Variants in KCNQ3 observed in about 807,000 individuals in gnomAD.
KCNQ3 encodes potassium voltage-gated channel subfamily KQT member 3.
Under a neutral mutation model 92.5 loss-of-function variants are expected in KCNQ3, and 30 were observed. The observed-to-expected ratio is 0.32, with a 90% CI of 0.24 to 0.44. The LOEUF (loss-of-function observed/expected upper bound fraction) is 0.44, where lower values mean the gene tolerates loss of function less well. KCNQ3 is among the 20% of genes least tolerant of loss of function. The pLI is 1.00. For synonymous variants in KCNQ3, 450 were observed against 468.8 expected (o/e 0.96, Z 0.52); for missense variants, 913 against 1,140.3 (o/e 0.80, Z 2.87).
intron 9 of KCNQ3, among the ~76,000 whole-genome samples, chr8:132,161,008 T>C (rs1379984078): frequency 1.3e-5 from 2 of 152,006 alleles, no homozygotes; most frequent in South Asian, 2.1e-4. Flanking sequence ...AGATGACATA[T>C]GTAAAATGCT....
intron 1 of KCNQ3, among the ~76,000 whole-genome samples, chr8:132,219,462 C>T (rs1398992257): frequency 6.6e-6 from 1 of 152,164 alleles, no homozygotes; most frequent in Non-Finnish European, 1.5e-5. Context: ...CCCTCACTAT[C>T]CCCACTGGAC....
intron 1 of KCNQ3, among the ~76,000 whole-genome samples, chr8:132,308,672 T>C (rs1053983630): frequency 2.6e-5 from 4 of 152,206 alleles, no homozygotes; most frequent in African/African-American, 9.6e-5. Context: ...AGGGTAAGAC[T>C]TGTCAAGCGC....
Position 132,240,057 on chromosome 8 carries a change from T to C in KCNQ3, c.387-53876A>G, listed in dbSNP as rs575535557. ...AGGAAACTTTGCAGCTTGCGTCTAA[T>C]GCATCATTTCCAGATGGGTTGGGAA... On this transcript the variant is annotated intron_variant, in intron 1 of 14. Transcript: ENST00000388996. Among the ~76,000 whole-genome samples the C allele has an allele frequency of 4.6e-5, 7 of 152,324 alleles. No homozygotes were observed. In the East Asian group the frequency reaches 1.4e-3, roughly 29 times the overall value.
At chr8:132,258,129 A>G (rs1289012389) in intron 1 of KCNQ3, among the ~76,000 whole-genome samples, 2 of 152,190 alleles carry the variant, frequency 1.3e-5, no homozygotes, top group East Asian at 3.9e-4. Flanking sequence ...ATAATGAAAC[A>G]AAAGACTTAT....
intron 1 of KCNQ3, among the ~76,000 whole-genome samples, chr8:132,356,508 C>T (rs1819021554): frequency 6.6e-6 from 1 of 152,138 alleles, no homozygotes; most frequent in Non-Finnish European, 1.5e-5. Flanking sequence ...GATGTGTGTC[C>T]ACTCTGCAGA....
At chr8:132,451,905 G>C (rs1017449159) in intron 1 of KCNQ3, among the ~76,000 whole-genome samples, 1 of 152,126 alleles carries the variant, frequency 6.6e-6, no homozygotes, top group Admixed American at 6.6e-5. Context: ...GGCCTCAACT[G>C]GGACAGGTCA....
chr8:132,286,142 A>G (rs1014154232), intron 1 of KCNQ3, among the ~76,000 whole-genome samples: 8 of 152,178 alleles, frequency 5.3e-5, no homozygotes, highest in Admixed American at 2.0e-4. Flanking sequence ...GTTATACCCA[A>G]TGGAAATGTA....
chr8:132,290,973 C>T (rs1488676019), intron 1 of KCNQ3, among the ~76,000 whole-genome samples: 2 of 152,074 alleles, frequency 1.3e-5, no homozygotes, highest in Non-Finnish European at 2.9e-5. Context: ...GATACAGTGC[C>T]ATGGAAGCTA....
rs191333927 is a variant in KCNQ3, at chr8:132,253,351, G to T, written c.387-67170C>A. Among the ~76,000 whole-genome samples the T allele has an allele frequency of 2.8e-3, 422 of 152,282 alleles. 2 individuals carry two copies. The highest frequency in any genetic ancestry group is 9.8e-3 in the African/African-American group (406 of 41,552). On this transcript the variant is annotated intron_variant, in intron 1 of 14. Coordinates refer to ENST00000388996, the MANE Select transcript of KCNQ3 (RefSeq NM_004519.4). ...CAGTGACTGAGTCTATAAAATGAGGGTAATAATGATTCCTTCACTGAGTTA... is the reference window on the plus strand; with the variant it reads ...CAGTGACTGAGTCTATAAAATGAGGTTAATAATGATTCCTTCACTGAGTTA...
At chr8:132,311,563 C>A (rs1484230527) in intron 1 of KCNQ3, among the ~76,000 whole-genome samples, 2 of 152,178 alleles carry the variant, frequency 1.3e-5, no homozygotes, top group Non-Finnish European at 2.9e-5. Flanking sequence ...CTTACAAACA[C>A]CCTGAAAACC....
chr8:132,365,062 A>C (rs988962305), intron 1 of KCNQ3, among the ~76,000 whole-genome samples: 12 of 152,118 alleles, frequency 7.9e-5, no homozygotes, highest in Admixed American at 3.3e-4. Context: ...AGCAGCCAAG[A>C]TACTGGTTTT....
intron 1 of KCNQ3, among the ~76,000 whole-genome samples, chr8:132,189,423 T>C (rs1827088965): frequency 6.6e-6 from 1 of 152,252 alleles, no homozygotes; most frequent in South Asian, 2.1e-4. Context: ...ACAATAGGAC[T>C]CCCTTAAGGG....
chr8:132,447,740 G>A (rs1441640251), intron 1 of KCNQ3, among the ~76,000 whole-genome samples: 1 of 152,206 alleles, frequency 6.6e-6, no homozygotes. Flanking sequence ...ACTGCCTCTG[G>A]GGAAGGGGCT....
At chr8:132,316,098 T>A (rs1166088408) in intron 1 of KCNQ3, among the ~76,000 whole-genome samples, 1 of 152,094 alleles carries the variant, frequency 6.6e-6, no homozygotes, top group Non-Finnish European at 1.5e-5. Context: ...CCTTGCTTAT[T>A]TTTTTTTCCT....
chr8:132,325,904 C>T (rs1229521351), intron 1 of KCNQ3, among the ~76,000 whole-genome samples: 1 of 152,144 alleles, frequency 6.6e-6, no homozygotes, highest in Non-Finnish European at 1.5e-5. Flanking sequence ...TAGTCAAATA[C>T]AGAACTGAAA....
At chr8:132,288,964 C>CA (rs1171429870) in intron 1 of KCNQ3, among the ~76,000 whole-genome samples, 1 of 152,192 alleles carries the variant, frequency 6.6e-6, no homozygotes, top group African/African-American at 2.4e-5. Context: ...GATTATACTA[C>CA]ATGTGATACA....
At chr8:132,333,491 C>A (rs1179606215) in intron 1 of KCNQ3, among the ~76,000 whole-genome samples, 1 of 152,108 alleles carries the variant, frequency 6.6e-6, no homozygotes, top group Non-Finnish European at 1.5e-5. Flanking sequence ...AAACATAATA[C>A]CTTCTCACTG....
intron 1 of KCNQ3, among the ~76,000 whole-genome samples, chr8:132,235,713 G>A (rs1188310011): frequency 1.3e-5 from 2 of 152,202 alleles, no homozygotes; most frequent in Non-Finnish European, 2.9e-5. Flanking sequence ...TCCCAGGTCG[G>A]AACGTCTGCC....
chr8:132,397,615 T>C (rs1820225178), intron 1 of KCNQ3, among the ~76,000 whole-genome samples: 2 of 152,188 alleles, frequency 1.3e-5, no homozygotes, highest in South Asian at 4.1e-4. Flanking sequence ...CCATCAGCTA[T>C]GAATTTAAAC....
Sources: gnomAD v4.1 joint callset for allele counts (sites outside exome capture counted in the v4.1 genomes callset) on GRCh38, gnomAD v4.1.1 for gene constraint, MANE v1.5 for transcripts, NCBI Gene and HGNC (gene_info 2026-07-23, HGNC 2026-07-21) for gene names.